Variants in SLC24A2 observed in about 807,000 individuals in gnomAD.
SLC24A2 encodes the protein sodium/potassium/calcium exchanger 2.
SLC24A2 carries 36 observed loss-of-function variants against 62.0 expected under a neutral mutation model. That is an observed-to-expected ratio of 0.58 (90% CI 0.44 to 0.77). SLC24A2 has a LOEUF of 0.77. Among genes scored for constraint, SLC24A2 ranks in the 30% least tolerant of loss-of-function variants. The probability of loss-of-function intolerance (pLI) is 0.00; values close to 1 mark genes in which losing one functional copy is unlikely to be tolerated. For missense variants in SLC24A2, 846 were observed against 817.9 expected (o/e 1.03, Z -0.42); for synonymous variants, 358 against 294.0 (o/e 1.22, Z -2.23).
At chr9:20,014,476 A>C in the SLC24A2 span, among the ~76,000 whole-genome samples, 60,396 of 149,120 alleles carry the variant, frequency 0.41, 13,492 homozygotes, top group Non-Finnish European at 0.52. Flanking sequence ...GGAACAGATG[A>C]ATGGATAAAG....
chr9:20,111,256 C>T, the SLC24A2 span, among the ~76,000 whole-genome samples: 1 of 152,130 alleles, frequency 6.6e-6, no homozygotes, highest in South Asian at 2.1e-4. Context: ...TCCTATCCCT[C>T]ACCCATTAGC....
At chr9:20,223,936 C>G in the SLC24A2 span, among the ~76,000 whole-genome samples, 1 of 150,322 alleles carries the variant, frequency 6.7e-6, no homozygotes, top group Non-Finnish European at 1.5e-5. Flanking sequence ...TGGTGGAAGG[C>G]GAAAGGGAAG....
the SLC24A2 span, among the ~76,000 whole-genome samples, chr9:19,951,579 G>C: frequency 6.6e-6 from 1 of 151,176 alleles, no homozygotes; most frequent in Non-Finnish European, 1.5e-5. Flanking sequence ...TTTCTATATA[G>C]ATATCCGGTG....
chr9:19,523,162 C>T (rs1833278082), intron 9 of SLC24A2, among the ~76,000 whole-genome samples: 1 of 152,042 alleles, frequency 6.6e-6, no homozygotes, highest in Non-Finnish European at 1.5e-5. Context: ...GAAATATAAA[C>T]AAAATAATTT....
At chr9:20,163,437 C>G in the SLC24A2 span, among the ~76,000 whole-genome samples, 4 of 151,974 alleles carry the variant, frequency 2.6e-5, no homozygotes, top group African/African-American at 7.2e-5. Flanking sequence ...ACGTGAAGGA[C>G]CTCTTCAAGG....
the SLC24A2 span, among the ~76,000 whole-genome samples, chr9:20,243,067 A>C: frequency 3.3e-5 from 5 of 152,078 alleles, no homozygotes; most frequent in African/African-American, 9.7e-5. Flanking sequence ...ATTAGTAGAG[A>C]CTTCCGTGGT....
chr9:20,219,272 C>T, the SLC24A2 span, among the ~76,000 whole-genome samples: 56 of 152,182 alleles, frequency 3.7e-4, no homozygotes, highest in African/African-American at 1.3e-3. Context: ...CAGGCAGATG[C>T]TGACAGTATA....
chr9:20,266,089 C>T, the SLC24A2 span, among the ~76,000 whole-genome samples: 6 of 152,292 alleles, frequency 3.9e-5, no homozygotes, highest in South Asian at 2.1e-4. Flanking sequence ...ATTTTAATTT[C>T]GCCCTGGTCC....
intron 6 of SLC24A2, among the ~76,000 whole-genome samples, chr9:19,574,702 GAAT>G (rs2132847891): frequency 6.6e-6 from 1 of 152,256 alleles, no homozygotes; most frequent in Non-Finnish European, 1.5e-5. Flanking sequence ...CCTTTCACTA[GAAT>G]AATTTTTTTT....
chr9:19,904,476 T>G, the SLC24A2 span, among the ~76,000 whole-genome samples: 3 of 152,202 alleles, frequency 2.0e-5, no homozygotes, highest in Non-Finnish European at 2.9e-5. Flanking sequence ...TTTACTAGAT[T>G]GGACAAAAAC....
At chr9:19,732,259 C>G (rs765121225) in intron 2 of SLC24A2, among the ~76,000 whole-genome samples, 5 of 152,240 alleles carry the variant, frequency 3.3e-5, no homozygotes, top group Middle Eastern at 3.4e-3. Flanking sequence ...GTTTAGCCCC[C>G]CTGGCTGGCA....
the SLC24A2 span, among the ~76,000 whole-genome samples, chr9:20,097,159 C>A: frequency 6.6e-6 from 1 of 152,150 alleles, no homozygotes; most frequent in African/African-American, 2.4e-5. Context: ...TTAGCTCTGC[C>A]ACCACCATGA....
At chr9:20,052,037 T>G in the SLC24A2 span, among the ~76,000 whole-genome samples, 1 of 152,180 alleles carries the variant, frequency 6.6e-6, no homozygotes, top group Non-Finnish European at 1.5e-5. Flanking sequence ...CCCGGAACAG[T>G]GAAACATTCA....
At chr9:20,082,232 G>A in the SLC24A2 span, among the ~76,000 whole-genome samples, 1 of 152,178 alleles carries the variant, frequency 6.6e-6, no homozygotes, top group African/African-American at 2.4e-5. Flanking sequence ...GTGCTTGTCT[G>A]AGCAGGCTAC....
intron 2 of SLC24A2, among the ~76,000 whole-genome samples, chr9:19,625,628 G>C (rs983188728): frequency 2.0e-5 from 3 of 151,898 alleles, no homozygotes; most frequent in Admixed American, 6.6e-5. Context: ...TTGAGCAACT[G>C]GAAGATGACT....
At chr9:20,098,952 T>C in the SLC24A2 span, among the ~76,000 whole-genome samples, 1 of 152,112 alleles carries the variant, frequency 6.6e-6, no homozygotes, top group Non-Finnish European at 1.5e-5. Context: ...TGATTTAGGA[T>C]ATACACAACT....
chr9:19,961,645 G>A, the SLC24A2 span, among the ~76,000 whole-genome samples: 171 of 152,272 alleles, frequency 1.1e-3, 4 homozygotes, highest in East Asian at 0.031. Context: ...CTCTCTTCCT[G>A]TCAAGTGTGG....
the SLC24A2 span, among the ~76,000 whole-genome samples, chr9:20,039,550 G>T: frequency 1.3e-5 from 2 of 152,008 alleles, no homozygotes; most frequent in Non-Finnish European, 2.9e-5. Context: ...ACAAGCAGGA[G>T]GGCAGGAGGT....
intron 5 of SLC24A2, among the ~76,000 whole-genome samples, chr9:19,578,590 T>C (rs896058812): frequency 9.2e-5 from 14 of 152,060 alleles, no homozygotes; most frequent in Non-Finnish European, 1.6e-4. Flanking sequence ...TCTAGCAGCA[T>C]ATTAACAGGG....
Sources: gnomAD v4.1 joint callset for allele counts (sites outside exome capture counted in the v4.1 genomes callset) on GRCh38, gnomAD v4.1.1 for gene constraint, MANE v1.5 for transcripts, NCBI Gene and HGNC (gene_info 2026-07-23, HGNC 2026-07-21) for gene names.